The following RGS10 variants were observed in gnomAD, a reference collection of about 807,000 sequenced individuals.
RGS10 encodes regulator of G-protein signalling 10.
Under a neutral mutation model 23.5 loss-of-function variants are expected in RGS10, and 11 were observed. The observed-to-expected ratio is 0.47, with a 90% CI of 0.29 to 0.77. The LOEUF (loss-of-function observed/expected upper bound fraction) is 0.77, where lower values mean the gene tolerates loss of function less well. RGS10 is among the 30% of genes least tolerant of loss of function. The probability of loss-of-function intolerance (pLI) is 0.08; values close to 1 mark genes in which losing one functional copy is unlikely to be tolerated. For synonymous variants in RGS10, 77 were observed against 83.2 expected, an observed-to-expected ratio of 0.92 and a Z score of 0.41; for missense variants, 180 against 226.3, an observed-to-expected ratio of 0.80 and a Z score of 1.31.
At position 119,499,865 on chromosome 10, in the gene RGS10, G is replaced by A. The variant is rs550983922; in HGVS notation, c.*248C>T. On this transcript the variant is annotated 3_prime_UTR_variant, in exon 5 of 5. Coordinates refer to ENST00000369103, the MANE Select transcript of RGS10 (RefSeq NM_001005339.2). ...GGTTTAATTAAGCTACAAAATGCTCGACGTGTCCAGTGTTGAAGGAATCTC... is the reference window on the plus strand; with the variant it reads ...GGTTTAATTAAGCTACAAAATGCTCAACGTGTCCAGTGTTGAAGGAATCTC... 12 of 397,560 alleles carry A rather than the reference G, an allele frequency of 3.0e-5. No homozygotes were observed. The South Asian group carries it at 3.1e-4, about 10-fold the overall frequency. 24.6% of individuals were successfully genotyped at this position (397,560 alleles called of 1,614,324 possible).
chr10:119,502,209 C>T (rs1025279614), intron 4 of RGS10, among the ~76,000 whole-genome samples: 1 of 151,918 alleles, frequency 6.6e-6, no homozygotes, highest in Non-Finnish European at 1.5e-5. Flanking sequence ...GGATGAGAAA[C>T]GCCATTACTC....
chr10:119,510,020 C>G (rs61874687), intron 4 of RGS10, among the ~76,000 whole-genome samples: 2,030 of 152,218 alleles, frequency 0.013, 18 homozygotes, highest in Middle Eastern at 0.034. Context: ...TGGTGAGCCA[C>G]AGTCAGGAGG....
At chr10:119,510,279 T>C (rs989528820) in intron 4 of RGS10, among the ~76,000 whole-genome samples, 1 of 152,196 alleles carries the variant, frequency 6.6e-6, no homozygotes, top group Non-Finnish European at 1.5e-5. Flanking sequence ...CCCTCCCAAC[T>C]GAACTTTCAC....
At chr10:119,525,996 T>G in intron 3 of RGS10, 36 bp downstream of exon 3, 1 of 1,233,828 alleles carries the variant, frequency 8.1e-7, no homozygotes. Context: ...GTTGTAACTT[T>G]ATAAGGGAAA....
In RGS10 at chr10:119,533,188, C is replaced by T. The variant is rs1041287315; in HGVS notation, c.50-5764G>A. 1.1e-4 allele frequency among the ~76,000 whole-genome samples: 16 copies of T among 151,620 alleles called. No homozygotes were observed. In the South Asian group the frequency reaches 1.5e-3, roughly 14 times the overall value. On this transcript the variant is annotated intron_variant, in intron 1 of 4. Coordinates refer to ENST00000369103, the MANE Select transcript of RGS10 (RefSeq NM_001005339.2). The stretch of plus-strand genomic sequence containing the variant: ...GCCAACATGGAATACAAAAATTAGC[C>T]GGGCATGGTGGCACGCACCTGTAAT...
chr10:119,526,853 G>A (rs1414032356), intron 2 of RGS10, among the ~76,000 whole-genome samples: 1 of 151,790 alleles, frequency 6.6e-6, no homozygotes, highest in Non-Finnish European at 1.5e-5. Context: ...TTCTAGATGG[G>A]ATCAACAGTT....
intron 1 of RGS10, among the ~76,000 whole-genome samples, chr10:119,528,172 A>G (rs1188866282): frequency 6.6e-6 from 1 of 152,032 alleles, no homozygotes; most frequent in East Asian, 1.9e-4. Flanking sequence ...CTGAGATTAT[A>G]GGTGATTCCC....
chr10:119,511,554 G>A (rs928170718), intron 4 of RGS10, among the ~76,000 whole-genome samples: 2 of 152,180 alleles, frequency 1.3e-5, no homozygotes, highest in African/African-American at 4.8e-5. Context: ...AGGAGGCAGA[G>A]GCTGCAGTGA....
chr10:119,505,302 G>A (rs930658341), intron 4 of RGS10, among the ~76,000 whole-genome samples: 2 of 151,874 alleles, frequency 1.3e-5, no homozygotes, highest in African/African-American at 4.8e-5. Context: ...TCAAGTTGGC[G>A]GCTGAGCTGC....
At chr10:119,521,574 A>AAAAAAGAAAG (rs1233849058) in intron 3 of RGS10, among the ~76,000 whole-genome samples, 9 of 150,422 alleles carry the variant, frequency 6.0e-5, no homozygotes, top group African/African-American at 2.2e-4. Flanking sequence ...CCATTAAAAA[A>AAAAAAGAAAG]AAAAAGAAAG....
At chr10:119,528,986 C>T (rs1844306931) in intron 1 of RGS10, among the ~76,000 whole-genome samples, 1 of 152,162 alleles carries the variant, frequency 6.6e-6, no homozygotes, top group Non-Finnish European at 1.5e-5. Context: ...CTCTCTGACT[C>T]ACGACACTGA....
chr10:119,515,934 G>A lies in RGS10; in HGVS notation c.256-282C>T, dbSNP rs143763793. 3.2e-3 allele frequency among the ~76,000 whole-genome samples: 486 copies of A among 152,274 alleles called. 4 individuals carry two copies. Among genetic ancestry groups the A allele is most frequent in the African/African-American group, 0.011 (452 of 41,566 alleles). ...GTGATGACAGAAAGAATCCTGGCCC[G>A]CAGAGAGCACTCAGTACCATTTACA... is the stretch of plus-strand genomic sequence containing the variant. On this transcript the variant is annotated intron_variant, in intron 3 of 4. Coordinates refer to ENST00000369103, the MANE Select transcript of RGS10 (RefSeq NM_001005339.2).
chr10:119,507,481 G>A lies in RGS10; in HGVS notation c.400-7222C>T, dbSNP rs140092040. ...AGCATTTTTCCCCTCTTACGTTCTG[G>A]GAAAACTCAAAGAAACTGCATTGCT... is the stretch of plus-strand genomic sequence containing the variant. On this transcript the variant is annotated intron_variant, in intron 4 of 4. Coordinates refer to ENST00000369103, the MANE Select transcript of RGS10 (RefSeq NM_001005339.2). Among the ~76,000 whole-genome samples the A allele has an allele frequency of 1.4e-3, 209 of 151,984 alleles. 2 individuals are homozygous for A. The East Asian group carries it at 0.023, about 17-fold the overall frequency.
rs1219886006 is a variant in RGS10, at chr10:119,499,842, T to C, written c.*271A>G. On this transcript the variant is annotated 3_prime_UTR_variant, in exon 5 of 5. Transcript: ENST00000369103. ...TTTCACCTTGTGGCCTTACATGAGG[T>C]TTAATTAAGCTACAAAATGCTCGAC... 2.1e-5 allele frequency: 7 copies of C among 335,898 alleles called. No homozygotes were observed. The highest frequency in any genetic ancestry group is 3.8e-5 in the Non-Finnish European group (7 of 183,710). 20.8% of individuals were successfully genotyped at this position (335,898 alleles called of 1,614,324 possible). A position where few individuals can be genotyped will look rare whatever the true frequency, so the allele number is the denominator to read the frequency against.
intron 3 of RGS10, among the ~76,000 whole-genome samples, chr10:119,518,011 A>T (rs1844165816): frequency 6.6e-6 from 1 of 152,228 alleles, no homozygotes; most frequent in East Asian, 1.9e-4. Context: ...AAACCCTGAG[A>T]CGGCGACCAC....
intron 3 of RGS10, among the ~76,000 whole-genome samples, chr10:119,525,742 C>G (rs558598987): frequency 6.6e-6 from 1 of 152,286 alleles, no homozygotes; most frequent in South Asian, 2.1e-4. Context: ...GGAAAACATC[C>G]TCATAACTTA....
intron 4 of RGS10, among the ~76,000 whole-genome samples, chr10:119,507,036 G>A (rs2133945972): frequency 6.6e-6 from 1 of 152,280 alleles, no homozygotes; most frequent in East Asian, 1.9e-4. Flanking sequence ...ACATCTCAAA[G>A]TATCTCGAAT....
At chr10:119,542,457 G>A in intron 1 of RGS10, 133 bp downstream of exon 1, 2 of 694,898 alleles carry the variant, frequency 2.9e-6, no homozygotes, top group Non-Finnish European at 4.1e-6. Context: ...GCGGGGAGAG[G>A]TGGTGCGGTC....
chr10:119,530,130 C>T (rs1844317530), intron 1 of RGS10, among the ~76,000 whole-genome samples: 1 of 152,148 alleles, frequency 6.6e-6, no homozygotes, highest in Admixed American at 6.5e-5. Flanking sequence ...AGCAAACCAC[C>T]TCTAAATGAT....
Sources: allele counts gnomAD v4.1 joint callset (sites outside exome capture counted in the v4.1 genomes callset), GRCh38; gene constraint gnomAD v4.1.1; transcripts MANE v1.5; gene names NCBI Gene and HGNC (gene_info 2026-07-23, HGNC 2026-07-21).